Variants in ENTREP1 observed in about 807,000 individuals in gnomAD.
The protein encoded by ENTREP1 is endosomal transmembrane epsin interactor 1.
chr9:69,382,983 C>T, the ENTREP1 span: 3 of 978,226 alleles, frequency 3.1e-6, no homozygotes, highest in Non-Finnish European at 3.6e-6. Flanking sequence ...TCTAGATCAT[C>T]TGGTACCTTG....
At chr9:69,329,930 A>G in the ENTREP1 span, among the ~76,000 whole-genome samples, 1 of 130,916 alleles carries the variant, frequency 7.6e-6, no homozygotes, top group African/African-American at 2.8e-5. Flanking sequence ...ACTAGGTTCC[A>G]CTGGGTTTAA....
chr9:69,358,807 A>T, the ENTREP1 span, among the ~76,000 whole-genome samples: 5 of 152,194 alleles, frequency 3.3e-5, no homozygotes, highest in Non-Finnish European at 7.3e-5. Context: ...TGATAATTTA[A>T]AAAGAAGCAT....
At chr9:69,391,743 G>A in the ENTREP1 span, 24 of 1,613,658 alleles carry the variant, frequency 1.5e-5, no homozygotes, top group South Asian at 4.4e-5. Context: ...AGGAGGCCCC[G>A]GCGAGTGGAG....
chr9:69,358,870 T>G, the ENTREP1 span, among the ~76,000 whole-genome samples: 1 of 151,452 alleles, frequency 6.6e-6, no homozygotes, highest in Non-Finnish European at 1.5e-5. Flanking sequence ...AAAGCATTAA[T>G]AAAGCCTTTT....
chr9:69,362,214 G>A, the ENTREP1 span, among the ~76,000 whole-genome samples: 1 of 152,108 alleles, frequency 6.6e-6, no homozygotes, highest in Non-Finnish European at 1.5e-5. Context: ...GGAAAGGTCA[G>A]CCTATTTAAA....
chr9:69,391,032 A>C, the ENTREP1 span, among the ~76,000 whole-genome samples: 123,961 of 150,932 alleles, frequency 0.82, 50,911 homozygotes, highest in South Asian at 0.89. Context: ...AATCCTCCTG[A>C]CTCAGCCTCC....
the ENTREP1 span, among the ~76,000 whole-genome samples, chr9:69,357,385 T>C: frequency 6.6e-6 from 1 of 152,098 alleles, no homozygotes; most frequent in Non-Finnish European, 1.5e-5. Context: ...GAGAAAGCAA[T>C]GGTTATTATT....
chr9:69,380,881 A>T, the ENTREP1 span: 1 of 152,652 alleles, frequency 6.6e-6, no homozygotes, highest in Non-Finnish European at 1.5e-5. Context: ...TCCTTTCCTA[A>T]GAATTTCCAA....
the ENTREP1 span, chr9:69,371,538 T>C: frequency 5.0e-6 from 8 of 1,613,900 alleles, no homozygotes; most frequent in African/African-American, 6.7e-5. Context: ...TTGTGTCCTC[T>C]TAAATCTAGC....
the ENTREP1 span, among the ~76,000 whole-genome samples, chr9:69,367,692 C>T: frequency 3.8e-4 from 33 of 87,696 alleles, no homozygotes; most frequent in Non-Finnish European, 6.5e-4. Flanking sequence ...TATATATATA[C>T]ACATATATAT....
chr9:69,333,991 T>C, the ENTREP1 span, among the ~76,000 whole-genome samples: 3 of 152,230 alleles, frequency 2.0e-5, no homozygotes, highest in African/African-American at 7.2e-5. Flanking sequence ...GGTAAGTCTT[T>C]TGAGCTAGAA....
At chr9:69,366,908 T>C in the ENTREP1 span, among the ~76,000 whole-genome samples, 1 of 152,002 alleles carries the variant, frequency 6.6e-6, no homozygotes, top group African/African-American at 2.4e-5. Context: ...TTTTTAAAAT[T>C]TTAATTCAAC....
At chr9:69,391,773 T>G in the ENTREP1 span, 1 of 1,611,140 alleles carries the variant, frequency 6.2e-7, no homozygotes, top group Non-Finnish European at 8.5e-7. Context: ...CCACACAGCC[T>G]CATTGGGGTC....
the ENTREP1 span, chr9:69,386,088 T>C: frequency 8.3e-6 from 5 of 602,700 alleles, no homozygotes; most frequent in East Asian, 1.6e-4. Flanking sequence ...CTTGGGAAAG[T>C]AAAATATTCT....
At chr9:69,360,837 AG>A in the ENTREP1 span, among the ~76,000 whole-genome samples, 1 of 152,076 alleles carries the variant, frequency 6.6e-6, no homozygotes, top group Non-Finnish European at 1.5e-5. Flanking sequence ...AGCATCCTGT[AG>A]TAGATTTCTG....
the ENTREP1 span, chr9:69,388,140 G>T: frequency 6.2e-7 from 1 of 1,614,124 alleles, no homozygotes; most frequent in Non-Finnish European, 8.5e-7. Flanking sequence ...GGTACATGTT[G>T]TTTGTTTCTG....
At chr9:69,387,768 A>G in the ENTREP1 span, 1 of 566,926 alleles carries the variant, frequency 1.8e-6, no homozygotes, top group African/African-American at 2.0e-5. Context: ...TGACTACTTC[A>G]TCCTCGCTCC....
At chr9:69,382,470 C>T in the ENTREP1 span, 1 of 152,248 alleles carries the variant, frequency 6.6e-6, no homozygotes, top group South Asian at 2.1e-4. Flanking sequence ...CTGCAAACAT[C>T]TCCACTTCAG....
chr9:69,366,219 T>C, the ENTREP1 span, among the ~76,000 whole-genome samples: 1 of 152,222 alleles, frequency 6.6e-6, no homozygotes, highest in Non-Finnish European at 1.5e-5. Flanking sequence ...ATAATAGCCA[T>C]TCTAACTATA....
Sources: gnomAD v4.1 joint callset for allele counts (sites outside exome capture counted in the v4.1 genomes callset) on GRCh38, gnomAD v4.1.1 for gene constraint, MANE v1.5 for transcripts, NCBI Gene and HGNC (gene_info 2026-07-23, HGNC 2026-07-21) for gene names.